Variants in SNX29 observed in about 807,000 individuals in gnomAD.
SNX29 encodes sorting nexin-29.
In SNX29, 78 loss-of-function variants were observed where a neutral mutation model predicts 102.1. That is an observed-to-expected ratio of 0.76 (90% CI 0.64 to 0.92). SNX29 has a LOEUF of 0.92. Ranked by LOEUF, SNX29 falls within the 40% of genes least tolerant of loss-of-function variation. The pLI is 0.00. For missense variants in SNX29, 1,280 were observed against 1,061.7 expected (o/e 1.21, Z -2.86); for synonymous variants, 580 against 414.5 (o/e 1.40, Z -4.85).
At chr16:12,538,627 A>G (rs180915813) in intron 20 of SNX29, among the ~76,000 whole-genome samples, 2 of 152,286 alleles carry the variant, frequency 1.3e-5, no homozygotes, top group East Asian at 1.9e-4. Flanking sequence ...TTGACTAGGA[A>G]GAATGGAAAA....
intron 15 of SNX29, among the ~76,000 whole-genome samples, chr16:12,344,837 T>C (rs2081741510): frequency 6.6e-6 from 1 of 152,302 alleles, no homozygotes; most frequent in East Asian, 1.9e-4. Context: ...GGGAAATCAA[T>C]AGCCGTCCTC....
chr16:12,334,394 G>GA (rs1014019901), intron 15 of SNX29, among the ~76,000 whole-genome samples: 4 of 152,164 alleles, frequency 2.6e-5, no homozygotes, highest in African/African-American at 9.6e-5. Context: ...CCACCTTGGG[G>GA]AAAAAAATCA....
intron 17 of SNX29, among the ~76,000 whole-genome samples, chr16:12,398,914 C>T (rs534528774): frequency 7.9e-5 from 12 of 152,194 alleles, no homozygotes; most frequent in African/African-American, 1.9e-4. Context: ...TGGAAGTGAC[C>T]GACTTCACTC....
At position 12,496,507 on chromosome 16, in the gene SNX29, CTTTTTTTTTT is replaced by C. The variant is rs537441350; in HGVS notation, c.2178+18661_2178+18670del. Among the ~76,000 whole-genome samples, 264 of 115,208 alleles carry C rather than the reference CTTTTTTTTTT, an allele frequency of 2.3e-3. 1 individual carries two copies. Among genetic ancestry groups the C allele is most frequent in the African/African-American group, 9.4e-3 (245 of 26,032 alleles). 75.6% of individuals were successfully genotyped at this position (115,208 alleles called of 152,430 possible). ...TCTCACACCTCCTTGGCTCTCATGG[CTTTTTTTTTT>C]TTTTTTTTTTTTAAACCTAGTCTTG... On this transcript the variant is annotated intron_variant, in intron 19 of 20. Coordinates refer to ENST00000566228, the MANE Select transcript of SNX29 (RefSeq NM_032167.5).
chr16:12,380,705 A>ATCAATTCCATCCACCC (rs2083068323), intron 16 of SNX29, among the ~76,000 whole-genome samples: 2 of 34,916 alleles, frequency 5.7e-5, no homozygotes, highest in African/African-American at 9.6e-5. Context: ...TCCACCCACC[A>ATCAATTCCATCCACCC]ACCATCAATT....
chr16:12,546,724 A>C (rs1441250924), intron 20 of SNX29: 2 of 152,078 alleles, frequency 1.3e-5, no homozygotes, highest in African/African-American at 2.4e-5. Flanking sequence ...TTTGACTAGA[A>C]AACTAAGAAG....
At chr16:12,094,542 T>G (rs1042089295) in intron 11 of SNX29, among the ~76,000 whole-genome samples, 3 of 152,164 alleles carry the variant, frequency 2.0e-5, no homozygotes, top group Non-Finnish European at 4.4e-5. Flanking sequence ...ACCAGGCTAC[T>G]CTTTCTATGA....
chr16:12,542,159 G>T (rs1008559827), intron 20 of SNX29, among the ~76,000 whole-genome samples: 1 of 152,170 alleles, frequency 6.6e-6, no homozygotes, highest in African/African-American at 2.4e-5. Flanking sequence ...CTGGGCTCCT[G>T]CTGGGTGTCA....
chr16:12,308,540 T>C (rs1167448479), intron 15 of SNX29, among the ~76,000 whole-genome samples: 1 of 152,166 alleles, frequency 6.6e-6, no homozygotes, highest in East Asian at 1.9e-4. Flanking sequence ...CCCTCCTTCA[T>C]GTTTGTCAAC....
intron 14 of SNX29, among the ~76,000 whole-genome samples, chr16:12,273,662 G>C (rs1204785238): frequency 6.6e-6 from 1 of 152,132 alleles, no homozygotes; most frequent in Non-Finnish European, 1.5e-5. Flanking sequence ...CCGACCCTCA[G>C]TGGTTTTTAT....
intron 20 of SNX29, chr16:12,560,868 C>T (rs1010676038): frequency 3.2e-5 from 6 of 185,902 alleles, no homozygotes; most frequent in Non-Finnish European, 5.7e-5. Flanking sequence ...GGTGTTAGTC[C>T]TTTAGTTCAA....
At chr16:12,466,574 A>G (rs2087062581) in intron 18 of SNX29, among the ~76,000 whole-genome samples, 1 of 152,200 alleles carries the variant, frequency 6.6e-6, no homozygotes, top group Non-Finnish European at 1.5e-5. Context: ...AGCGTCTTTG[A>G]AAGGGGCCTT....
At chr16:12,550,186 ATTAC>A (rs1172265850) in intron 20 of SNX29, among the ~76,000 whole-genome samples, 5 of 152,074 alleles carry the variant, frequency 3.3e-5, no homozygotes, top group Non-Finnish European at 7.4e-5. Flanking sequence ...CCATGACATT[ATTAC>A]TAAGAGGATA....
At chr16:12,362,068 A>C (rs1348016216) in intron 16 of SNX29, among the ~76,000 whole-genome samples, 5 of 152,224 alleles carry the variant, frequency 3.3e-5, no homozygotes, top group Admixed American at 2.6e-4. Flanking sequence ...ACCTTTCCTC[A>C]TTTAACAGTG....
chr16:11,985,576 G>A (rs1481264576), intron 1 of SNX29, among the ~76,000 whole-genome samples: 1 of 152,160 alleles, frequency 6.6e-6, no homozygotes, highest in Admixed American at 6.6e-5. Flanking sequence ...TCCATGGAGC[G>A]GGCTGGCCAT....
chr16:12,380,657 TCCACCCAC>T (rs141240567), intron 16 of SNX29, among the ~76,000 whole-genome samples: 1,474 of 45,536 alleles, frequency 0.032, 142 homozygotes, highest in African/African-American at 0.16. Context: ...CCACCATCCA[TCCACCCAC>T]CCACCATCCA....
chr16:12,560,155 A>T (rs200628614), intron 20 of SNX29, among the ~76,000 whole-genome samples: 1 of 2,946 alleles, frequency 3.4e-4, no homozygotes, highest in African/African-American at 9.3e-4. Context: ...AACAAACAGT[A>T]AAGCCTTTCT....
rs1480385564 is a variant in SNX29 at position 12,481,403 on chromosome 16, C to CACAA, written c.2178+3547_2178+3548insAACA. ...ATACATATATATATATATACACACA[C>CACAA]ACACACACATATACATACACACATA... is the stretch of plus-strand genomic sequence containing the variant. On this transcript the variant is annotated intron_variant, in intron 19 of 20. Transcript: ENST00000566228. Among the ~76,000 whole-genome samples the CACAA allele has an allele frequency of 3.0e-4, 46 of 151,636 alleles. No homozygotes were observed. The East Asian group carries it at 8.3e-3, about 27-fold the overall frequency.
chr16:12,249,665 C>G (rs181851920), intron 14 of SNX29, among the ~76,000 whole-genome samples: 194 of 152,302 alleles, frequency 1.3e-3, no homozygotes, highest in Non-Finnish European at 2.0e-3. Context: ...TTTTCTGTGT[C>G]TCTGTTTTTC....
Sources: gnomAD v4.1 joint callset for allele counts (sites outside exome capture counted in the v4.1 genomes callset) on GRCh38, gnomAD v4.1.1 for gene constraint, MANE v1.5 for transcripts, NCBI Gene and HGNC (gene_info 2026-07-23, HGNC 2026-07-21) for gene names.